The following USP48 variants were observed in gnomAD, a reference collection of about 807,000 sequenced individuals.
The protein encoded by USP48 is ubiquitin specific peptidase 48.
A neutral mutation model predicts 150.7 loss-of-function variants in USP48; 43 were observed. The observed-to-expected ratio is 0.29, with a 90% CI of 0.22 to 0.37. The LOEUF (loss-of-function observed/expected upper bound fraction) is 0.37. USP48 is among the 10% of genes least tolerant of loss of function. The probability of loss-of-function intolerance (pLI) is 1.00; values close to 1 mark genes in which losing one functional copy is unlikely to be tolerated. For synonymous variants in USP48, 396 were observed against 425.9 expected, an observed-to-expected ratio of 0.93 and a Z score of 0.86; for missense variants, 813 against 1,249.6, an observed-to-expected ratio of 0.65 and a Z score of 5.27.
intron 5 of USP48, among the ~76,000 whole-genome samples, chr1:21,752,250 C>T (rs769307957): frequency 2.0e-5 from 3 of 152,036 alleles, no homozygotes; most frequent in Non-Finnish European, 4.4e-5. Flanking sequence ...GTATTCTAGC[C>T]AGTTCCAATC....
intron 1 of USP48, among the ~76,000 whole-genome samples, chr1:21,761,963 G>C (rs904658013): frequency 6.6e-6 from 1 of 151,850 alleles, no homozygotes; most frequent in South Asian, 2.1e-4. Context: ...TCTACTATAA[G>C]AGAGTTAAAG....
chr1:21,700,702 TG>T (rs1194874532), intron 22 of USP48, among the ~76,000 whole-genome samples: 1 of 152,148 alleles, frequency 6.6e-6, no homozygotes, highest in Non-Finnish European at 1.5e-5. Context: ...TCCTCCAATG[TG>T]GGGGTCTGAC....
In USP48 at chr1:21,756,924, T is replaced by A. The variant is rs533522851; in HGVS notation, c.256-222A>T. ...TGAAAAAGACTTCGGACGGCATCAC[T>A]GCTCATCTCTAGCATATCGTCTTCT... is the stretch of plus-strand genomic sequence containing the variant. On this transcript the variant is annotated intron_variant, in intron 2 of 26. Transcript: ENST00000308271. 11 of 985,444 alleles carry A rather than the reference T, an allele frequency of 1.1e-5. No homozygotes were observed. In the South Asian group the frequency reaches 4.2e-4, roughly 38 times the overall value. 61.0% of individuals were successfully genotyped at this position (985,444 alleles called of 1,614,324 possible).
chr1:21,756,915 C>T lies in USP48; in HGVS notation c.256-213G>A, dbSNP rs1420379430. ...CCACAGGAGTGAAAAAGACTTCGGA[C>T]GGCATCACTGCTCATCTCTAGCATA... On this transcript the variant is annotated intron_variant, in intron 2 of 26. Coordinates refer to ENST00000308271, the MANE Select transcript of USP48 (RefSeq NM_032236.8). 1.2e-5 allele frequency: 12 copies of T among 985,252 alleles called. No individual in the cohort carries two copies. The East Asian group carries it at 3.4e-4, about 28-fold the overall frequency. The allele number at this position is 985,252 out of a possible 1,614,324, so 61.0% of individuals were successfully genotyped here.
intron 25 of USP48, among the ~76,000 whole-genome samples, chr1:21,684,102 C>A (rs2097574353): frequency 6.6e-6 from 1 of 152,248 alleles, no homozygotes; most frequent in East Asian, 1.9e-4. Flanking sequence ...CATGAGAGTG[C>A]AAATATCCTT....
chr1:21,700,341 G>GC (rs1553122213), intron 22 of USP48, among the ~76,000 whole-genome samples: 1 of 151,972 alleles, frequency 6.6e-6, no homozygotes, highest in Non-Finnish European at 1.5e-5. Flanking sequence ...TTTTATGAGC[G>GC]CCAATAAGCC....
chr1:21,743,646 A>G (rs916097594), intron 8 of USP48, among the ~76,000 whole-genome samples: 1 of 152,206 alleles, frequency 6.6e-6, no homozygotes, highest in African/African-American at 2.4e-5. Flanking sequence ...TGAAAGTCAG[A>G]TAAGTGGTTA....
intron 5 of USP48, among the ~76,000 whole-genome samples, chr1:21,752,220 G>GC (rs1250028094): frequency 6.6e-6 from 1 of 151,800 alleles, no homozygotes; most frequent in Non-Finnish European, 1.5e-5. Context: ...TTTTTAACAG[G>GC]CATTTTACAT....
chr1:21,704,159 C>T, intron 20 of USP48, 103 bp downstream of exon 20: 1 of 1,371,222 alleles, frequency 7.3e-7, no homozygotes, highest in Non-Finnish European at 9.9e-7. Flanking sequence ...GGAGTTGGGA[C>T]CGCCGCATGA....
At chr1:21,680,379 TTA>T (rs1314622349) in intron 26 of USP48, among the ~76,000 whole-genome samples, 2 of 151,578 alleles carry the variant, frequency 1.3e-5, no homozygotes, top group Non-Finnish European at 3.0e-5. Flanking sequence ...TGCTAAGTGA[TTA>T]ATTAAATCTT....
intron 6 of USP48, among the ~76,000 whole-genome samples, chr1:21,749,921 C>G (rs529954792): frequency 6.6e-6 from 1 of 152,264 alleles, no homozygotes; most frequent in Admixed American, 6.5e-5. Flanking sequence ...CAAATTTTAT[C>G]TGCTCTTAGA....
chr1:21,680,673 A>T, intron 26 of USP48, 135 bp downstream of exon 26: 1 of 859,858 alleles, frequency 1.2e-6, no homozygotes, highest in Admixed American at 3.3e-5. Flanking sequence ...TAAGAAATGC[A>T]TTTAACTAAA....
chr1:21,714,759 C>T (rs988430198), intron 15 of USP48, among the ~76,000 whole-genome samples: 1 of 152,074 alleles, frequency 6.6e-6, no homozygotes, highest in African/African-American at 2.4e-5. Context: ...ATACATGAAC[C>T]AATACATAGG....
At chr1:21,690,407 C>T (rs1207368568) in intron 23 of USP48, among the ~76,000 whole-genome samples, 1 of 152,146 alleles carries the variant, frequency 6.6e-6, no homozygotes, top group East Asian at 1.9e-4. Context: ...AAAAGTGGGG[C>T]TGGGCTGATG....
intron 20 of USP48, among the ~76,000 whole-genome samples, chr1:21,703,957 A>G (rs1403278051): frequency 6.6e-6 from 1 of 152,184 alleles, no homozygotes; most frequent in Non-Finnish European, 1.5e-5. Context: ...TCCTGGCCTT[A>G]AGCAATCCTT....
At chr1:21,759,181 CAAAAAAAAA>C (rs11341963) in intron 1 of USP48, among the ~76,000 whole-genome samples, 5 of 69,258 alleles carry the variant, frequency 7.2e-5, no homozygotes, top group Admixed American at 3.9e-4. Flanking sequence ...GACACGGTCT[CAAAAAAAAA>C]AAAAAAAAAA....
At chr1:21,778,760 T>A (rs1387977147) in intron 1 of USP48, among the ~76,000 whole-genome samples, 1 of 151,754 alleles carries the variant, frequency 6.6e-6, no homozygotes, top group Non-Finnish European at 1.5e-5. Context: ...AAATTTTTTT[T>A]TTTTTTTGGA....
intron 3 of USP48, among the ~76,000 whole-genome samples, chr1:21,754,443 T>C (rs1288388062): frequency 6.6e-6 from 1 of 152,212 alleles, no homozygotes; most frequent in African/African-American, 2.4e-5. Context: ...GCAGAAAGCA[T>C]GGATATTGAG....
At chr1:21,772,969 G>T (rs1217604825) in intron 1 of USP48, among the ~76,000 whole-genome samples, 2 of 143,032 alleles carry the variant, frequency 1.4e-5, no homozygotes, top group East Asian at 4.3e-4. Flanking sequence ...AAAGAAAAAA[G>T]AAATATTCGG....
Sources: allele counts gnomAD v4.1 joint callset (sites outside exome capture counted in the v4.1 genomes callset), GRCh38; gene constraint gnomAD v4.1.1; transcripts MANE v1.5; gene names NCBI Gene and HGNC (gene_info 2026-07-23, HGNC 2026-07-21).